The following FSTL1 variants were observed in gnomAD, a reference collection of about 807,000 sequenced individuals.
FSTL1 encodes follistatin like 1, also known as follistatin-related protein 1.
FSTL1 carries 24 observed loss-of-function variants against 45.9 expected under a neutral mutation model. That is an observed-to-expected ratio of 0.52 (90% CI 0.38 to 0.74). The LOEUF (loss-of-function observed/expected upper bound fraction) is 0.74. Ranked by LOEUF, FSTL1 falls within the 30% of genes least tolerant of loss-of-function variation. The pLI is 0.00. For missense variants in FSTL1, 340 were observed against 381.8 expected, an observed-to-expected ratio of 0.89 and a Z score of 0.91; for synonymous variants, 120 against 137.6, an observed-to-expected ratio of 0.87 and a Z score of 0.89.
At chr3:120,419,576 G>C (rs1481020483) in intron 2 of FSTL1, 2 of 152,498 alleles carry the variant, frequency 1.3e-5, no homozygotes, top group Non-Finnish European at 2.9e-5. Context: ...AGATGAAGCA[G>C]GGTGGCAGGT....
At chr3:120,412,086 G>C (rs1250569847) in intron 3 of FSTL1, 103 bp from the exon 4 acceptor site, 4 of 1,079,024 alleles carry the variant, frequency 3.7e-6, no homozygotes, top group Non-Finnish European at 5.4e-6. Context: ...CATTTTGTAA[G>C]GGGACTCTCC....
chr3:120,441,615 T>C (rs369725571), intron 2 of FSTL1, among the ~76,000 whole-genome samples: 75 of 152,368 alleles, frequency 4.9e-4, no homozygotes, highest in African/African-American at 1.7e-3. Flanking sequence ...CTGTATGCCA[T>C]GAACACACAT....
intron 2 of FSTL1, among the ~76,000 whole-genome samples, chr3:120,446,590 AT>A (rs1937747122): frequency 1.3e-5 from 2 of 152,204 alleles, no homozygotes; most frequent in Admixed American, 1.3e-4. Flanking sequence ...CAAGCAAGAG[AT>A]CATTTTAGAG....
intron 2 of FSTL1, among the ~76,000 whole-genome samples, chr3:120,446,309 C>T (rs1230258180): frequency 6.6e-6 from 1 of 152,180 alleles, no homozygotes; most frequent in Non-Finnish European, 1.5e-5. Context: ...CACTTCAGCC[C>T]ATGACCAGAT....
intron 2 of FSTL1, among the ~76,000 whole-genome samples, chr3:120,431,788 T>A (rs1937482852): frequency 6.6e-6 from 1 of 152,222 alleles, no homozygotes; most frequent in Admixed American, 6.5e-5. Flanking sequence ...TCAAGTGGTG[T>A]ATAACTGAAG....
At chr3:120,442,021 A>C (rs1265141788) in intron 2 of FSTL1, among the ~76,000 whole-genome samples, 1 of 152,242 alleles carries the variant, frequency 6.6e-6, no homozygotes, top group Non-Finnish European at 1.5e-5. Context: ...GAGCCAGCAC[A>C]AAGGCTGTGC....
At chr3:120,440,675 T>C (rs1007077526) in intron 2 of FSTL1, among the ~76,000 whole-genome samples, 2 of 152,230 alleles carry the variant, frequency 1.3e-5, no homozygotes, top group Non-Finnish European at 2.9e-5. Context: ...TTTTCCTCTT[T>C]TGAGTTGACT....
intron 2 of FSTL1, among the ~76,000 whole-genome samples, chr3:120,442,788 G>GAAAAAAAAAAAAAAAAA: frequency 1.9e-5 from 1 of 53,264 alleles, no homozygotes; most frequent in Non-Finnish European, 3.4e-5. Flanking sequence ...TCTCAAAAAA[G>GAAAAAAAAAAAAAAAAA]AAAAAAAAAA....
At chr3:120,406,857 G>A (rs577565983) in intron 6 of FSTL1, among the ~76,000 whole-genome samples, 3 of 152,318 alleles carry the variant, frequency 2.0e-5, no homozygotes, top group Middle Eastern at 3.4e-3. Flanking sequence ...GACCAGAAGT[G>A]TTTCAGATTT....
In FSTL1 at chr3:120,415,953, C is replaced by G; in HGVS notation, c.138G>C (p.Glu46Asp). The G allele has an allele frequency of 6.2e-7, 1 of 1,613,798 alleles. No homozygotes were observed. The highest frequency in any genetic ancestry group is 8.5e-7 in the Non-Finnish European group (1 of 1,179,662). The change falls in exon 3 of 11, where the codon GAG (glutamate) becomes GAC (aspartate). Residue 46 changes from glutamate (E) to aspartate (D), a missense_variant. Coordinates refer to ENST00000295633, the MANE Select transcript of FSTL1 (RefSeq NM_007085.5). ...TGCAGAGACAGGTGGGTTCCCCTTTCTCTGTGACTGCACATTCCCGGCCGG... is the reference window on the plus strand; with the variant it reads ...TGCAGAGACAGGTGGGTTCCCCTTTGTCTGTGACTGCACATTCCCGGCCGG... ...CGAGRECAVT[E>D]KGEPTCLCIE... is the part of the protein sequence containing the mutation.
intron 2 of FSTL1, among the ~76,000 whole-genome samples, chr3:120,421,997 C>T (rs1937286762): frequency 6.6e-6 from 1 of 152,136 alleles, no homozygotes; most frequent in South Asian, 2.1e-4. Flanking sequence ...CCCATTTGCC[C>T]TATTATTTTC....
intron 9 of FSTL1, 58 bp from the exon 10 acceptor site, chr3:120,400,017 C>T (rs564819042): frequency 2.6e-5 from 29 of 1,121,144 alleles, no homozygotes; most frequent in African/African-American, 1.1e-4. Context: ...GTGAGGAATC[C>T]GCCAAGATCT....
At chr3:120,412,114 T>C in intron 3 of FSTL1, 131 bp from the exon 4 acceptor site, 1 of 893,558 alleles carries the variant, frequency 1.1e-6, no homozygotes, top group South Asian at 1.7e-5. Context: ...GAGATGGTGC[T>C]TCTACCCCAT....
At chr3:120,412,124 T>A (rs1559736736) in intron 3 of FSTL1, 141 bp from the exon 4 acceptor site, 7 of 827,290 alleles carry the variant, frequency 8.5e-6, no homozygotes, top group Admixed American at 2.5e-5. Flanking sequence ...TTCTACCCCA[T>A]CAGGGCACAG....
At chr3:120,403,439 C>A in intron 7 of FSTL1, 85 bp from the exon 8 acceptor site, 1 of 787,612 alleles carries the variant, frequency 1.3e-6, no homozygotes, top group East Asian at 2.5e-5. Flanking sequence ...CCACATACAC[C>A]CAGGGCCTCC....
intron 3 of FSTL1, among the ~76,000 whole-genome samples, chr3:120,413,776 A>ACTCCCTCTCCCTCTCCCT (rs777544939): frequency 2.8e-5 from 1 of 35,916 alleles, no homozygotes; most frequent in African/African-American, 1.1e-4. Context: ...TAAAAAAAAA[A>ACTCCCTCTCCCTCTCCCT]CTCCCTCTCC....
intron 2 of FSTL1, among the ~76,000 whole-genome samples, chr3:120,422,606 C>A (rs907468393): frequency 6.6e-6 from 1 of 152,126 alleles, no homozygotes; most frequent in Non-Finnish European, 1.5e-5. Flanking sequence ...TCAGTATGGC[C>A]AGGCTCCATG....
intron 2 of FSTL1, among the ~76,000 whole-genome samples, chr3:120,426,031 C>G (rs1044230575): frequency 1.3e-5 from 2 of 152,178 alleles, no homozygotes; most frequent in Non-Finnish European, 2.9e-5. Flanking sequence ...ATGCGATTCA[C>G]AATTCTTCAT....
At chr3:120,429,194 C>T (rs566893881) in intron 2 of FSTL1, among the ~76,000 whole-genome samples, 2 of 152,250 alleles carry the variant, frequency 1.3e-5, no homozygotes, top group East Asian at 1.9e-4. Flanking sequence ...TTCAAATGCA[C>T]ATCAAGGGCT....
Sources: gnomAD v4.1 joint callset for allele counts (sites outside exome capture counted in the v4.1 genomes callset) on GRCh38, gnomAD v4.1.1 for gene constraint, MANE v1.5 for transcripts, NCBI Gene and HGNC (gene_info 2026-07-23, HGNC 2026-07-21) for gene names.